The following CDCA2 variants were observed in gnomAD, a reference collection of about 807,000 sequenced individuals.
CDCA2 encodes the protein cell division cycle associated 2, also known as cell division cycle-associated protein 2.
In CDCA2, 44 loss-of-function variants were observed where a neutral mutation model predicts 67.0. That is an observed-to-expected ratio of 0.66 (90% confidence interval 0.52 to 0.84). The LOEUF (loss-of-function observed/expected upper bound fraction) is 0.84. Among genes scored for constraint, CDCA2 ranks in the 40% least tolerant of loss-of-function variants. The pLI is 0.00. For synonymous variants in CDCA2, 447 were observed against 418.7 expected (o/e 1.07, Z -0.82); for missense variants, 1,253 against 1,203.2 (o/e 1.04, Z -0.61).
intron 7 of CDCA2, among the ~76,000 whole-genome samples, chr8:25,476,965 A>T (rs1396749615): frequency 6.6e-6 from 1 of 152,138 alleles, no homozygotes; most frequent in Non-Finnish European, 1.5e-5. Context: ...ATTCAGCTAC[A>T]AGATGCTGTA....
upstream of CDCA2, chr8:25,458,975 C>G (rs542235029): frequency 6.6e-6 from 1 of 152,306 alleles, no homozygotes; most frequent in African/African-American, 2.4e-5. Context: ...AAGCGTTACT[C>G]CGCGAGACTC....
rs575946888 is a variant in CDCA2, at chr8:25,507,634, T to C, written c.2968T>C (p.Ser990Pro). 9.3e-6 allele frequency: 15 copies of C among 1,614,144 alleles called. No homozygotes were observed. The South Asian group carries it at 1.6e-4, about 18-fold the overall frequency. Reference sequence around the variant, plus strand: ...TACACTTGCAAATACTAAAGCCACTTCCCAGTTCAAAGGCTACCGGAGAAG... The same window carrying C: ...TACACTTGCAAATACTAAAGCCACTCCCCAGTTCAAAGGCTACCGGAGAAG... Reference protein sequence around the residue: ...ISTLANTKATSQFKGYRRRSS... With the variant: ...ISTLANTKATPQFKGYRRRSS... Residue 990 changes from serine to proline, a missense_variant, in exon 15 of 15, where the codon TCC becomes CCC. By Grantham distance (74) the Ser-to-Pro change is moderately conservative (BLOSUM62 -1). Transcript: ENST00000330560.
intron 9 of CDCA2, among the ~76,000 whole-genome samples, 173 bp from the exon 10 acceptor site, chr8:25,483,793 T>C (rs533989814): frequency 6.6e-6 from 1 of 152,372 alleles, no homozygotes; most frequent in Admixed American, 6.5e-5. Context: ...GAAATGTGCT[T>C]ATCTTCTCCA....
intron 4 of CDCA2, among the ~76,000 whole-genome samples, chr8:25,464,338 C>G (rs1259118198): frequency 6.6e-6 from 1 of 152,122 alleles, no homozygotes; most frequent in African/African-American, 2.4e-5. Flanking sequence ...ATCGTTTGAG[C>G]CCAAGATATC....
intron 7 of CDCA2, among the ~76,000 whole-genome samples, chr8:25,475,836 G>A (rs910851246): frequency 5.3e-5 from 8 of 152,122 alleles, no homozygotes; most frequent in Non-Finnish European, 7.4e-5. Context: ...CCCATCCCAC[G>A]TTCTTTGTTT....
intron 7 of CDCA2, among the ~76,000 whole-genome samples, chr8:25,479,002 C>T (rs949317522): frequency 1.3e-5 from 2 of 151,828 alleles, no homozygotes; most frequent in South Asian, 2.1e-4. Context: ...CCTAGTTTCC[C>T]GCAGTAGTGA....
chr8:25,468,403 A>C lies in CDCA2; in HGVS notation c.725A>C (p.Asp242Ala), dbSNP rs115099611. 3 of 1,610,340 alleles carry C rather than the reference A, an allele frequency of 1.9e-6. No homozygotes were observed. Among genetic ancestry groups the C allele is most frequent in the Non-Finnish European group, 2.5e-6 (3 of 1,178,236 alleles). ...GCATGTGCAGTTGAAACTTCTGTAG[A>C]TCTTTCTGAGGTAATTCACTTACTT... ...DRACAVETSV[D>A]LSEISSKLGS... Residue 242 changes from aspartate (D) to alanine (A), a missense_variant, in exon 6 of 15, where the codon GAT (aspartate) becomes GCT (alanine). Coordinates refer to ENST00000330560, the MANE Select transcript of CDCA2 (RefSeq NM_152562.4).
In CDCA2 at chr8:25,462,117, C is replaced by T; in HGVS notation, c.296C>T (p.Pro99Leu). Residue 99 changes from proline (P) to leucine (L), a missense_variant, in exon 4 of 15, where the codon CCT (proline) becomes CTT (leucine). Coordinates refer to ENST00000330560, the MANE Select transcript of CDCA2 (RefSeq NM_152562.4). ...TCTGCAGTCGGTGCTCGGGGCTCTC[C>T]TGAAACAAACCATCTGATTCGTTTC... ...RRSAVGARGS[P>L]ETNHLIRFIA... is the part of the protein sequence containing the mutation. The T allele has an allele frequency of 6.2e-7, 1 of 1,614,210 alleles. No individual in the cohort carries two copies. Among genetic ancestry groups the T allele is most frequent in the Non-Finnish European group, 8.5e-7 (1 of 1,180,026 alleles).
chr8:25,494,612 G>A (rs1804140992), intron 13 of CDCA2, among the ~76,000 whole-genome samples: 1 of 152,144 alleles, frequency 6.6e-6, no homozygotes, highest in African/African-American at 2.4e-5. Flanking sequence ...AGGGATGACT[G>A]TGTTTACTGT....
intron 14 of CDCA2, among the ~76,000 whole-genome samples, chr8:25,504,860 T>C (rs1432124351): frequency 1.3e-5 from 2 of 152,254 alleles, no homozygotes; most frequent in Admixed American, 6.5e-5. Flanking sequence ...CTATTTTCTA[T>C]GTTCCCCTGC....
At chr8:25,468,501 T>G in intron 6 of CDCA2, 88 bp downstream of exon 6, 3 of 1,037,678 alleles carry the variant, frequency 2.9e-6, no homozygotes, top group Non-Finnish European at 4.3e-6. Context: ...TTCTTCAATT[T>G]TAGTACCTTG....
intron 13 of CDCA2, among the ~76,000 whole-genome samples, chr8:25,492,045 C>T (rs1321483578): frequency 6.6e-6 from 1 of 152,158 alleles, no homozygotes; most frequent in Non-Finnish European, 1.5e-5. Flanking sequence ...ATCTGCCTTC[C>T]TCGGCCTCCC....
chr8:25,507,264 T>A lies in CDCA2; in HGVS notation c.2598T>A (p.Asn866Lys). Reference sequence around the variant, plus strand: ...GCTCTGTAGAAATTAGTTTAGAAAATTCTGAACTGTTTAAAGATTTGTCTG... The same window carrying A: ...GCTCTGTAGAAATTAGTTTAGAAAAATCTGAACTGTTTAAAGATTTGTCTG... The part of the protein sequence containing the change: ...VGSSVEISLE[N>K]SELFKDLSDA... Residue 866 changes from asparagine (N) to lysine (K), a missense_variant, in exon 15 of 15, where the codon AAT becomes AAA. Transcript: ENST00000330560. 1.2e-6 allele frequency: 2 copies of A among 1,614,100 alleles called. No individual in the cohort carries two copies. The highest frequency in any genetic ancestry group is 3.3e-4 in the Middle Eastern group (2 of 6,062).
chr8:25,475,934 C>T (rs541705496), intron 7 of CDCA2, among the ~76,000 whole-genome samples: 2 of 152,336 alleles, frequency 1.3e-5, no homozygotes, highest in East Asian at 1.9e-4. Context: ...CGAAGTATCC[C>T]AGAATGGTGG....
In CDCA2 at chr8:25,506,892, TG is replaced by T. The variant is rs1804702918; in HGVS notation, c.2228del (p.Gly743ValfsTer17). ...LQQGQEFSAG[G>X]QNAENLCQFF... ...AGCAGGGTCAAGAATTTTCTGCTGG[TG>T]GTCAAAATGCAGAAAACCTTTGTCA... is the stretch of plus-strand genomic sequence containing the variant. On this transcript the variant is annotated frameshift_variant, in exon 15 of 15. Transcript: ENST00000330560. LOFTEE classifies it low-confidence loss of function (END_TRUNC). The T allele has an allele frequency of 2.5e-6, 4 of 1,612,162 alleles. No homozygotes were observed. Among genetic ancestry groups the T allele is most frequent in the Non-Finnish European group, 3.4e-6 (4 of 1,179,138 alleles).
intron 7 of CDCA2, 79 bp downstream of exon 7, chr8:25,470,059 T>A: frequency 1.1e-6 from 1 of 936,056 alleles, no homozygotes; most frequent in Non-Finnish European, 1.6e-6. Flanking sequence ...TTGCTAAAAT[T>A]TGGGGGAACT....
intron 13 of CDCA2, among the ~76,000 whole-genome samples, chr8:25,493,321 A>G (rs373272448): frequency 6.6e-6 from 1 of 152,224 alleles, no homozygotes; most frequent in African/African-American, 2.4e-5. Context: ...CAGAAGTAGC[A>G]TTAGAATCCT....
At chr8:25,470,017 G>A (rs372838340) in intron 7 of CDCA2, 37 bp downstream of exon 7, 97 of 1,360,368 alleles carry the variant, frequency 7.1e-5, no homozygotes, top group South Asian at 2.5e-5. Context: ...CCAGTTGCCC[G>A]ATTCATAGAC....
At chr8:25,466,530 C>T (rs1008738914) in intron 5 of CDCA2, among the ~76,000 whole-genome samples, 1 of 152,114 alleles carries the variant, frequency 6.6e-6, no homozygotes, top group Non-Finnish European at 1.5e-5. Context: ...ATCAGGCATT[C>T]CTAATCCTAC....
Sources: gnomAD v4.1 joint callset for allele counts (sites outside exome capture counted in the v4.1 genomes callset) on GRCh38, gnomAD v4.1.1 for gene constraint, MANE v1.5 for transcripts, NCBI Gene and HGNC (gene_info 2026-07-23, HGNC 2026-07-21) for gene names.